Variants in DCLK2 observed in about 807,000 individuals in gnomAD.
DCLK2 encodes the protein doublecortin like kinase 2.
In DCLK2, 31 loss-of-function variants were observed where a neutral mutation model predicts 78.4. That is an observed-to-expected ratio of 0.40 (90% CI 0.30 to 0.53). DCLK2 has a LOEUF of 0.53. DCLK2 is among the 20% of genes least tolerant of loss of function. DCLK2 has a pLI of 0.61. For synonymous variants in DCLK2, 407 were observed against 374.9 expected, an observed-to-expected ratio of 1.09 and a Z score of -0.99; for missense variants, 872 against 973.7, an observed-to-expected ratio of 0.90 and a Z score of 1.39.
intron 2 of DCLK2, among the ~76,000 whole-genome samples, chr4:150,106,568 T>A (rs1358621948): frequency 1.3e-5 from 2 of 152,222 alleles, no homozygotes; most frequent in East Asian, 3.8e-4. Context: ...CCTACCCAGA[T>A]TGGTTGTTTT....
At chr4:150,138,200 T>C (rs1347461630) in intron 2 of DCLK2, among the ~76,000 whole-genome samples, 3 of 152,246 alleles carry the variant, frequency 2.0e-5, no homozygotes, top group African/African-American at 7.2e-5. Flanking sequence ...ACATAGAAAG[T>C]AAGCTCTTGG....
At chr4:150,212,945 T>C (rs1261279510) in intron 5 of DCLK2, among the ~76,000 whole-genome samples, 1 of 152,184 alleles carries the variant, frequency 6.6e-6, no homozygotes, top group African/African-American at 2.4e-5. Flanking sequence ...TCCATAGTTA[T>C]AACAGAAGAG....
intron 2 of DCLK2, among the ~76,000 whole-genome samples, chr4:150,139,652 C>T (rs1580579600): frequency 6.6e-6 from 1 of 152,270 alleles, no homozygotes; most frequent in East Asian, 1.9e-4. Flanking sequence ...TGGGAAATTG[C>T]AGAAAAAAGT....
chr4:150,213,709 A>C (rs1267648579), intron 5 of DCLK2, among the ~76,000 whole-genome samples: 1 of 152,230 alleles, frequency 6.6e-6, no homozygotes, highest in East Asian at 1.9e-4. Flanking sequence ...TTTGTGTATC[A>C]TATGACTGAA....
intron 15 of DCLK2, among the ~76,000 whole-genome samples, chr4:150,254,895 C>G (rs1300801610): frequency 1.3e-5 from 2 of 152,156 alleles, no homozygotes; most frequent in African/African-American, 4.8e-5. Context: ...CCAGGCTGGT[C>G]TCAAACTCCT....
chr4:150,189,975 A>G (rs1053564602), intron 2 of DCLK2, among the ~76,000 whole-genome samples: 4 of 145,864 alleles, frequency 2.7e-5, no homozygotes, highest in Non-Finnish European at 4.5e-5. Context: ...TGAGCCCAGG[A>G]GTTGAGACTT....
intron 1 of DCLK2, among the ~76,000 whole-genome samples, chr4:150,098,375 C>T (rs893525427): frequency 6.6e-6 from 1 of 152,128 alleles, no homozygotes; most frequent in Admixed American, 6.5e-5. Context: ...AACAGAAGAA[C>T]AAAATGGCTT....
intron 10 of DCLK2, among the ~76,000 whole-genome samples, chr4:150,238,985 G>A (rs1742704287): frequency 6.6e-6 from 1 of 152,166 alleles, no homozygotes. Context: ...ACATGCTAGT[G>A]CCGTGGAGAT....
intron 1 of DCLK2, among the ~76,000 whole-genome samples, chr4:150,087,510 C>T (rs572334176): frequency 8.5e-5 from 13 of 152,270 alleles, no homozygotes; most frequent in African/African-American, 2.2e-4. Context: ...AGAAAAGGCA[C>T]GCAAATTTAT....
At chr4:150,092,472 T>C (rs1359266629) in intron 1 of DCLK2, among the ~76,000 whole-genome samples, 2 of 152,184 alleles carry the variant, frequency 1.3e-5, no homozygotes, top group Non-Finnish European at 2.9e-5. Flanking sequence ...TAATACCTTT[T>C]TTAAAAAAAC....
At chr4:150,185,270 C>T (rs1157998179) in intron 2 of DCLK2, among the ~76,000 whole-genome samples, 3 of 152,156 alleles carry the variant, frequency 2.0e-5, no homozygotes, top group Non-Finnish European at 4.4e-5. Flanking sequence ...AACTCACTCC[C>T]TATCACAAGA....
intron 5 of DCLK2, 108 bp downstream of exon 5, chr4:150,203,997 AT>A: frequency 9.5e-7 from 1 of 1,056,482 alleles, no homozygotes. Flanking sequence ...AATTAAAAAG[AT>A]TTTAGGATTT....
rs1307796253 is a variant in DCLK2 at position 150,256,261 on chromosome 4, G to A, written c.*14G>A. On this transcript the variant is annotated 3_prime_UTR_variant, in exon 16 of 16. Transcript: ENST00000296550. ...CACCGAGACTGAGCCTCCTGCAGAC[G>A]GGCGAAGCCGCCTGCTGCAGCCCAG... 5.0e-5 allele frequency: 74 copies of A among 1,486,000 alleles called. No individual in the cohort carries two copies. Among genetic ancestry groups the A allele is most frequent in the South Asian group, 2.6e-5 (2 of 76,088 alleles). The allele number at this position is 1,486,000 out of a possible 1,614,324, so 92.1% of individuals were successfully genotyped here. A position where few individuals can be genotyped will look rare whatever the true frequency, so the allele number is the denominator to read the frequency against.
chr4:150,246,738 T>C (rs1743348150), intron 12 of DCLK2, among the ~76,000 whole-genome samples: 1 of 152,128 alleles, frequency 6.6e-6, no homozygotes, highest in African/African-American at 2.4e-5. Flanking sequence ...CCAGTGGTGT[T>C]TCCACATTTC....
At position 150,102,567 on chromosome 4, in the gene DCLK2, G is replaced by T. The variant is rs1438390423; in HGVS notation, c.511G>T (p.Gly171Cys). ...INPNWSVNIK[G>C]GTSRALAAAS... The stretch of plus-strand genomic sequence containing the variant: ...TCCAAACTGGTCTGTGAACATCAAG[G>T]GTGGGACATCCCGAGCGCTGGCTGC... The change falls in exon 2 of 16, where the codon GGT becomes TGT. Residue 171 changes from glycine to cysteine, a missense_variant. Gly to Cys is a radical substitution (Grantham distance 159). This residue lies in a region of DCLK2 where 567 missense variants were observed against 593.4 expected (regional missense o/e 0.96). Transcript: ENST00000296550. 2 of 1,614,130 alleles carry T rather than the reference G, an allele frequency of 1.2e-6. No individual in the cohort carries two copies. Among genetic ancestry groups the T allele is most frequent in the East Asian group, 4.5e-5 (2 of 44,882 alleles).
At chr4:150,099,121 C>T (rs1210138718) in intron 1 of DCLK2, among the ~76,000 whole-genome samples, 5 of 152,160 alleles carry the variant, frequency 3.3e-5, no homozygotes, top group Non-Finnish European at 7.3e-5. Flanking sequence ...AAGGGAGTCA[C>T]GAATCTTAAA....
intron 5 of DCLK2, among the ~76,000 whole-genome samples, chr4:150,205,653 T>G (rs184066230): frequency 7.2e-5 from 11 of 152,370 alleles, no homozygotes; most frequent in South Asian, 6.2e-4. Context: ...TTCAGATTTT[T>G]CTCCTATTTT....
chr4:150,154,614 T>C (rs1157997626), intron 2 of DCLK2, among the ~76,000 whole-genome samples: 1 of 152,230 alleles, frequency 6.6e-6, no homozygotes, highest in Non-Finnish European at 1.5e-5. Context: ...ATTATTACCA[T>C]GTGCCTTTAA....
At chr4:150,179,896 T>TG (rs1737379034) in intron 2 of DCLK2, among the ~76,000 whole-genome samples, 1 of 152,132 alleles carries the variant, frequency 6.6e-6, no homozygotes, top group South Asian at 2.1e-4. Context: ...CCGTAAGGTA[T>TG]GGGAGATTGG....
Sources: gnomAD v4.1 joint callset for allele counts (sites outside exome capture counted in the v4.1 genomes callset) on GRCh38, gnomAD v4.1.1 for gene constraint, gnomAD v4.1.1 regional missense constraint, MANE v1.5 for transcripts, NCBI Gene and HGNC (gene_info 2026-07-23, HGNC 2026-07-21) for gene names.